The following PPP1R12B variants were observed in gnomAD, a reference collection of about 807,000 sequenced individuals.
PPP1R12B encodes protein phosphatase 1 regulatory subunit 12B.
A neutral mutation model predicts 126.1 loss-of-function variants in PPP1R12B; 76 were observed. That is an observed-to-expected ratio of 0.60 (90% CI 0.50 to 0.73). The LOEUF is 0.73. Among genes scored for constraint, PPP1R12B ranks in the 30% least tolerant of loss-of-function variants. The pLI is 0.00. For missense variants in PPP1R12B, 1,052 were observed against 1,205.1 expected (o/e 0.87, Z 1.88); for synonymous variants, 356 against 434.7 (o/e 0.82, Z 2.25).
chr1:202,555,734 T>C (rs1478571162), intron 18 of PPP1R12B, among the ~76,000 whole-genome samples: 2 of 152,170 alleles, frequency 1.3e-5, no homozygotes, highest in Non-Finnish European at 2.9e-5. Flanking sequence ...GTTTGAAGGC[T>C]GTTCTACTCA....
At chr1:202,570,724 G>A (rs755454634) in intron 23 of PPP1R12B, among the ~76,000 whole-genome samples, 1 of 152,040 alleles carries the variant, frequency 6.6e-6, no homozygotes, top group African/African-American at 2.4e-5. Context: ...ATGGAGTCTC[G>A]CTATGTTGCC....
At chr1:202,579,779 C>G (rs187204202) in intron 23 of PPP1R12B, among the ~76,000 whole-genome samples, 44 of 152,252 alleles carry the variant, frequency 2.9e-4, no homozygotes, top group African/African-American at 1.0e-3. Flanking sequence ...CCTTTGGTGA[C>G]TGTCAGTGGG....
chr1:202,487,021 A>C (rs1419880061), intron 13 of PPP1R12B, among the ~76,000 whole-genome samples: 1 of 152,218 alleles, frequency 6.6e-6, no homozygotes. Context: ...TCTTTCATGA[A>C]TGTGGTAGGA....
intron 1 of PPP1R12B, among the ~76,000 whole-genome samples, chr1:202,389,517 G>A (rs1427380101): frequency 5.9e-5 from 9 of 152,132 alleles, no homozygotes; most frequent in Non-Finnish European, 7.4e-5. Flanking sequence ...GGTGGCAGGC[G>A]CCTGTGGTCC....
chr1:202,481,641 T>A (rs1270517555), intron 13 of PPP1R12B, among the ~76,000 whole-genome samples: 5 of 152,214 alleles, frequency 3.3e-5, no homozygotes, highest in Non-Finnish European at 7.3e-5. Context: ...CAGTTTGATG[T>A]TTTGATGCAT....
intron 1 of PPP1R12B, among the ~76,000 whole-genome samples, chr1:202,349,801 T>A (rs1014615218): frequency 6.6e-6 from 1 of 152,250 alleles, no homozygotes; most frequent in Non-Finnish European, 1.5e-5. Context: ...TTGATACTTA[T>A]GGAATAGCTT....
intron 20 of PPP1R12B, among the ~76,000 whole-genome samples, chr1:202,564,054 T>C (rs756027132): frequency 1.3e-5 from 2 of 152,232 alleles, no homozygotes; most frequent in Non-Finnish European, 2.9e-5. Flanking sequence ...AGCAAGACCC[T>C]GTCTCCAAAG....
At chr1:202,523,435 G>A (rs1465865984) in intron 18 of PPP1R12B, among the ~76,000 whole-genome samples, 8 of 152,194 alleles carry the variant, frequency 5.3e-5, no homozygotes, top group Admixed American at 3.3e-4. Flanking sequence ...AGCAGAAGGA[G>A]TTAGCCACAA....
intron 1 of PPP1R12B, among the ~76,000 whole-genome samples, chr1:202,389,269 A>C (rs1434790491): frequency 1.3e-5 from 2 of 152,238 alleles, no homozygotes; most frequent in African/African-American, 4.8e-5. Flanking sequence ...AAAAAGTTGA[A>C]AAACAAATGA....
At chr1:202,504,360 A>C (rs2148880189) in intron 18 of PPP1R12B, among the ~76,000 whole-genome samples, 1 of 152,218 alleles carries the variant, frequency 6.6e-6, no homozygotes, top group South Asian at 2.1e-4. Flanking sequence ...ACCACTGCAC[A>C]TCAGTCTGGG....
intron 14 of PPP1R12B, among the ~76,000 whole-genome samples, chr1:202,488,985 G>A (rs1344574188): frequency 6.6e-6 from 1 of 152,196 alleles, no homozygotes; most frequent in Non-Finnish European, 1.5e-5. Flanking sequence ...AGAAGTTCCA[G>A]TGAGCCAAGA....
rs747947986 is a variant in PPP1R12B at position 202,495,719 on chromosome 1, A to T, written c.2448+37A>T. On this transcript the variant is annotated intron_variant, in intron 17 of 23. Coordinates refer to ENST00000608999, the MANE Select transcript of PPP1R12B (RefSeq NM_002481.4). ...GGTCTGTGCTGAGGCATATCATATT[A>T]CTCTTGGTCACCATTCTTTCAGTTG... The T allele has an allele frequency of 5.9e-6, 9 of 1,537,030 alleles. No individual in the cohort carries two copies. The African/African-American group carries it at 1.2e-4, about 21-fold the overall frequency.
intron 18 of PPP1R12B, among the ~76,000 whole-genome samples, chr1:202,543,146 A>G (rs983997190): frequency 1.4e-4 from 21 of 152,108 alleles, no homozygotes; most frequent in African/African-American, 5.1e-4. Flanking sequence ...TTCAAGCAGT[A>G]GTAAAGGCAA....
intron 8 of PPP1R12B, 61 bp from the exon 9 acceptor site, chr1:202,434,595 A>G (rs2148670115): frequency 1.2e-5 from 19 of 1,567,834 alleles, no homozygotes; most frequent in Non-Finnish European, 1.5e-5. Flanking sequence ...AGAAAAGGAC[A>G]TAGACACAAA....
chr1:202,414,383 C>G (rs1247103335), intron 1 of PPP1R12B, among the ~76,000 whole-genome samples: 1 of 152,222 alleles, frequency 6.6e-6, no homozygotes, highest in African/African-American at 2.4e-5. Flanking sequence ...TCTTTTACTT[C>G]ATGTGTGATT....
intron 19 of PPP1R12B, among the ~76,000 whole-genome samples, chr1:202,562,168 A>G (rs1687594592): frequency 6.6e-6 from 1 of 152,236 alleles, no homozygotes; most frequent in Non-Finnish European, 1.5e-5. Context: ...TTGCTAAAAT[A>G]TGTCAAAATT....
intron 1 of PPP1R12B, among the ~76,000 whole-genome samples, chr1:202,380,602 C>G (rs1024424459): frequency 6.6e-6 from 1 of 152,148 alleles, no homozygotes; most frequent in Admixed American, 6.5e-5. Flanking sequence ...TCTCAACACC[C>G]CCCCCATTCC....
chr1:202,431,245 A>G (rs1447833821), intron 7 of PPP1R12B, among the ~76,000 whole-genome samples: 2 of 152,216 alleles, frequency 1.3e-5, no homozygotes, highest in Non-Finnish European at 1.5e-5. Flanking sequence ...ATCAAAATTC[A>G]TAGTTCTTCT....
intron 1 of PPP1R12B, among the ~76,000 whole-genome samples, chr1:202,405,035 A>G (rs1666402287): frequency 6.6e-6 from 1 of 152,218 alleles, no homozygotes. Flanking sequence ...CCTTAGTAAT[A>G]TTTGTTACAT....
Sources: allele counts gnomAD v4.1 joint callset (sites outside exome capture counted in the v4.1 genomes callset), GRCh38; gene constraint gnomAD v4.1.1; transcripts MANE v1.5; gene names NCBI Gene and HGNC (gene_info 2026-07-23, HGNC 2026-07-21).